Variants in MGA observed in about 807,000 individuals in gnomAD.
The protein encoded by MGA is MAX dimerization protein MGA, also known as MAX gene-associated protein.
MGA carries 40 observed loss-of-function variants against 261.1 expected under a neutral mutation model. That is an observed-to-expected ratio of 0.15 (90% CI 0.12 to 0.20). The LOEUF is 0.20. Among genes scored for constraint, MGA ranks in the 10% least tolerant of loss-of-function variants. The pLI, the probability that MGA is intolerant of heterozygous loss-of-function variation, is 1.00. For synonymous variants in MGA, 1,302 were observed against 1,290.6 expected (o/e 1.01, Z -0.19); for missense variants, 3,397 against 3,630.5 (o/e 0.94, Z 1.65).
chr15:41,674,308 G>T (rs1481676920), intron 2 of MGA, among the ~76,000 whole-genome samples: 2 of 151,938 alleles, frequency 1.3e-5, no homozygotes, highest in Non-Finnish European at 2.9e-5. Context: ...CAATTTTCCT[G>T]CCTCAGCCTC....
At chr15:41,629,762 TGGTTAG>T (rs2056548336) in intron 1 of MGA, among the ~76,000 whole-genome samples, 1 of 152,016 alleles carries the variant, frequency 6.6e-6, no homozygotes, top group Admixed American at 6.6e-5. Flanking sequence ...AACATGTAAC[TGGTTAG>T]GTCAGCTAGG....
chr15:41,624,550 G>A (rs2140912901), intron 1 of MGA, among the ~76,000 whole-genome samples: 1 of 152,244 alleles, frequency 6.6e-6, no homozygotes, highest in Non-Finnish European at 1.5e-5. Context: ...GGCCAGGCTG[G>A]TCTCGAGCTG....
chr15:41,764,438 A>G (rs1268353750), intron 22 of MGA, among the ~76,000 whole-genome samples: 1 of 151,934 alleles, frequency 6.6e-6, no homozygotes, highest in Non-Finnish European at 1.5e-5. Flanking sequence ...TATTTTTAGT[A>G]GAGATGGGGT....
chr15:41,687,415 A>G (rs1382065164), intron 2 of MGA, among the ~76,000 whole-genome samples: 1 of 152,048 alleles, frequency 6.6e-6, no homozygotes, highest in Non-Finnish European at 1.5e-5. Context: ...ATTTGTATTT[A>G]TTTTATTTTG....
chr15:41,768,356 G>A lies in MGA; in HGVS notation c.*1076G>A, dbSNP rs1227911227. 6.6e-6 allele frequency: 1 copy of A among 152,636 alleles called. No individual in the cohort carries two copies. Among genetic ancestry groups the A allele is most frequent in the African/African-American group, 2.4e-5 (1 of 41,426 alleles). 9.5% of individuals were successfully genotyped at this position (152,636 alleles called of 1,614,324 possible). ...GAGCTTTTTCACTCATTAACTGTCAGGATATGAAGGACTGACAGTCTGTAA... is the reference window on the plus strand; with the variant it reads ...GAGCTTTTTCACTCATTAACTGTCAAGATATGAAGGACTGACAGTCTGTAA... On this transcript the variant is annotated 3_prime_UTR_variant, in exon 24 of 24. Transcript: ENST00000219905.
intron 9 of MGA, among the ~76,000 whole-genome samples, chr15:41,716,306 T>G (rs1250013916): frequency 6.6e-6 from 1 of 151,180 alleles, no homozygotes; most frequent in Non-Finnish European, 1.5e-5. Context: ...AAAAAAAAAT[T>G]AGCCAGGCGT....
chr15:41,644,543 A>C (rs1314758040), intron 1 of MGA, among the ~76,000 whole-genome samples: 1 of 151,926 alleles, frequency 6.6e-6, no homozygotes, highest in Non-Finnish European at 1.5e-5. Context: ...CTGTAATCCC[A>C]GCTACTTGGA....
chr15:41,648,018 C>T (rs1346368844), intron 1 of MGA, among the ~76,000 whole-genome samples: 12 of 152,342 alleles, frequency 7.9e-5, no homozygotes, highest in East Asian at 5.8e-4. Context: ...AGAATCGACA[C>T]TATCATCATT....
chr15:41,682,938 G>C (rs899755494), intron 2 of MGA, among the ~76,000 whole-genome samples: 1 of 152,162 alleles, frequency 6.6e-6, no homozygotes, highest in African/African-American at 2.4e-5. Flanking sequence ...ACGATGAAAA[G>C]AGTTCCCAGC....
chr15:41,684,364 T>C, intron 2 of MGA: 1 of 452,370 alleles, frequency 2.2e-6, no homozygotes, highest in Middle Eastern at 3.5e-4. Flanking sequence ...TTTAATTAAC[T>C]GTTGTTTGTA....
chr15:41,683,655 T>C (rs2058792486), intron 2 of MGA, among the ~76,000 whole-genome samples: 1 of 151,310 alleles, frequency 6.6e-6, no homozygotes, highest in South Asian at 2.1e-4. Context: ...CTTGGCTCAC[T>C]GCAGCCTTGA....
Position 41,742,934 on chromosome 15 carries a change from G to C in MGA, c.4974G>C (p.Val1658=), listed in dbSNP as rs1567065688. 6.2e-7 allele frequency: 1 copy of C among 1,613,870 alleles called. No homozygotes were observed. The highest frequency in any genetic ancestry group is 8.5e-7 in the Non-Finnish European group (1 of 1,179,896). Reference sequence around the variant, plus strand: ...CATCTACCCAGTCTACAGCCACTGTGAACCTTACCAAAACCACTGGGATAA... The same window carrying C: ...CATCTACCCAGTCTACAGCCACTGTCAACCTTACCAAAACCACTGGGATAA... Residue 1658 remains valine, a synonymous_variant, in exon 15 of 24, where the codon GTG becomes GTC. Transcript: ENST00000219905.
Position 41,681,254 on chromosome 15 carries a change from T to C in MGA, c.1064+11296T>C, listed in dbSNP as rs189283886. On this transcript the variant is annotated intron_variant, in intron 2 of 23. Transcript: ENST00000219905. ...AAATTAGTTTTTCCATTTTAGCTAT[T>C]TCTTGTGGTATTTGCCTCTGTCTAG... 2.6e-5 allele frequency among the ~76,000 whole-genome samples: 4 copies of C among 152,322 alleles called. No individual in the cohort carries two copies. In the East Asian group the frequency reaches 7.7e-4, roughly 29 times the overall value.
chr15:41,687,777 G>A (rs1415442203), intron 2 of MGA, among the ~76,000 whole-genome samples: 1 of 152,122 alleles, frequency 6.6e-6, no homozygotes, highest in Non-Finnish European at 1.5e-5. Flanking sequence ...TACTTGAAAA[G>A]GATGTGTGTA....
At chr15:41,690,992 TTG>T (rs1322389103) in intron 2 of MGA, among the ~76,000 whole-genome samples, 4 of 139,532 alleles carry the variant, frequency 2.9e-5, no homozygotes, top group Admixed American at 7.5e-5. Context: ...CAAGATTGCT[TTG>T]TTTTTTTTTT....
At chr15:41,753,552 A>G (rs902979986) in intron 17 of MGA, among the ~76,000 whole-genome samples, 2 of 152,154 alleles carry the variant, frequency 1.3e-5, no homozygotes, top group African/African-American at 4.8e-5. Context: ...TTTTTGGTAT[A>G]ATAAGGAAAT....
At position 41,766,393 on chromosome 15, in the gene MGA, A is replaced by C. The variant is rs1049509135; in HGVS notation, c.8311A>C (p.Lys2771Gln). 6.2e-7 allele frequency: 1 copy of C among 1,613,934 alleles called. No individual in the cohort carries two copies. The highest frequency in any genetic ancestry group is 1.1e-5 in the South Asian group (1 of 91,072). The change falls in exon 24 of 24, where the codon AAG becomes CAG. Residue 2771 changes from lysine (K) to glutamine (Q), a missense_variant. Physicochemically the swap from Lys to Gln is moderately conservative, Grantham distance 53. Transcript: ENST00000219905. ...ATCAAGAGGGGAGAGAGTGAAGTCA[A>C]AGGATTCTTCATTTCATAAATTAAA...
intron 20 of MGA, 93 bp downstream of exon 20, chr15:41,760,622 T>G: frequency 7.9e-7 from 1 of 1,266,764 alleles, no homozygotes; most frequent in South Asian, 1.3e-5. Context: ...TAAGGGAGAT[T>G]GAAATAGAGC....
At chr15:41,760,602 C>A in intron 20 of MGA, 73 bp downstream of exon 20, 1 of 1,449,662 alleles carries the variant, frequency 6.9e-7, no homozygotes, top group South Asian at 1.2e-5. Context: ...AAAGATAATC[C>A]ACTGACATAT....
Sources: gnomAD v4.1 joint callset for allele counts (sites outside exome capture counted in the v4.1 genomes callset) on GRCh38, gnomAD v4.1.1 for gene constraint, MANE v1.5 for transcripts, NCBI Gene and HGNC (gene_info 2026-07-23, HGNC 2026-07-21) for gene names.